Variants in INO80D observed in about 807,000 individuals in gnomAD.
INO80D encodes INO80 complex subunit D.
A neutral mutation model predicts 87.6 loss-of-function variants in INO80D; 21 were observed. That is an observed-to-expected ratio of 0.24 (90% CI 0.17 to 0.35). The LOEUF is 0.35. INO80D is among the 10% of genes least tolerant of loss of function. The pLI is 1.00. For synonymous variants in INO80D, 440 were observed against 491.0 expected, an observed-to-expected ratio of 0.90 and a Z score of 1.37; for missense variants, 982 against 1,280.7, an observed-to-expected ratio of 0.77 and a Z score of 3.56.
intron 1 of INO80D, among the ~76,000 whole-genome samples, chr2:206,072,254 T>C (rs1689990675): frequency 6.6e-6 from 1 of 151,768 alleles, no homozygotes; most frequent in East Asian, 1.9e-4. Context: ...CTAATTTATA[T>C]ATTTTGGGTT....
intron 6 of INO80D, among the ~76,000 whole-genome samples, chr2:206,022,546 AATG>A (rs1164597944): frequency 6.6e-6 from 1 of 152,102 alleles, no homozygotes; most frequent in African/African-American, 2.4e-5. Flanking sequence ...CCCCATAAAT[AATG>A]ATGTTTCCAT....
chr2:206,009,469 A>G, intron 9 of INO80D, 108 bp downstream of exon 9: 1 of 896,806 alleles, frequency 1.1e-6, no homozygotes, highest in Non-Finnish European at 1.7e-6. Context: ...GATATACTAA[A>G]TGGTTTCTGT....
At chr2:206,045,975 G>A (rs1374122952) in intron 5 of INO80D, among the ~76,000 whole-genome samples, 1 of 152,022 alleles carries the variant, frequency 6.6e-6, no homozygotes, top group East Asian at 1.9e-4. Context: ...TTCAATTCTA[G>A]GTTCTATTAT....
chr2:206,013,352 G>C (rs1312443376), intron 8 of INO80D, among the ~76,000 whole-genome samples: 1 of 152,092 alleles, frequency 6.6e-6, no homozygotes, highest in Non-Finnish European at 1.5e-5. Flanking sequence ...AGGAGATCGA[G>C]ATCTTCCTGG....
At chr2:206,050,222 G>A (rs532939730) in intron 4 of INO80D, among the ~76,000 whole-genome samples, 1 of 152,178 alleles carries the variant, frequency 6.6e-6, no homozygotes, top group Admixed American at 6.5e-5. Context: ...GCTGGGCACA[G>A]TGGCTCATGC....
intron 1 of INO80D, among the ~76,000 whole-genome samples, chr2:206,083,011 T>A (rs1410951808): frequency 6.6e-6 from 1 of 152,260 alleles, no homozygotes; most frequent in Non-Finnish European, 1.5e-5. Context: ...ACTAACCATT[T>A]ACTTTTTAAA....
chr2:206,077,930 C>T (rs779073084), intron 1 of INO80D, among the ~76,000 whole-genome samples: 1 of 151,954 alleles, frequency 6.6e-6, no homozygotes, highest in Non-Finnish European at 1.5e-5. Context: ...TGCCAATATA[C>T]TCCAAGGTTC....
chr2:206,078,075 A>AAAAAAAAAC (rs1690170834), intron 1 of INO80D, among the ~76,000 whole-genome samples: 1 of 149,496 alleles, frequency 6.7e-6, no homozygotes, highest in African/African-American at 2.5e-5. Context: ...AAAAAAAAAA[A>AAAAAAAAAC]AAAAAAAAAA....
chr2:206,003,954 CTCAAT>C lies in INO80D; in HGVS notation c.*409_*413del. 5.5e-6 allele frequency: 1 copy of C among 183,186 alleles called. No individual in the cohort carries two copies. Among genetic ancestry groups the C allele is most frequent in the Admixed American group, 5.6e-5 (1 of 17,864 alleles). 11.3% of individuals were successfully genotyped at this position (183,186 alleles called of 1,614,324 possible). On this transcript the variant is annotated 3_prime_UTR_variant, in exon 11 of 11. Coordinates refer to ENST00000403263, the MANE Select transcript of INO80D (RefSeq NM_017759.5). ...CCATTTGCTGTCTCTTATACAGGAA[CTCAAT>C]TAATAAGATCATTCTATCTAGAACC...
At chr2:206,060,569 T>A (rs2105887934) in intron 3 of INO80D, among the ~76,000 whole-genome samples, 1 of 151,872 alleles carries the variant, frequency 6.6e-6, no homozygotes, top group South Asian at 2.1e-4. Context: ...TAGTGCTTTT[T>A]TTTTTTTTGA....
At chr2:206,031,030 A>T (rs1303060671) in intron 5 of INO80D, among the ~76,000 whole-genome samples, 2 of 152,292 alleles carry the variant, frequency 1.3e-5, no homozygotes, top group South Asian at 4.1e-4. Flanking sequence ...ATAAGCAGGC[A>T]GCAGTTTCCA....
At chr2:206,082,102 C>T (rs528601801) in intron 1 of INO80D, among the ~76,000 whole-genome samples, 1 of 152,310 alleles carries the variant, frequency 6.6e-6, no homozygotes, top group African/African-American at 2.4e-5. Flanking sequence ...CTCACTGCAA[C>T]CTCCGCCTCC....
At chr2:206,081,485 G>A (rs1158046985) in intron 1 of INO80D, among the ~76,000 whole-genome samples, 1 of 152,156 alleles carries the variant, frequency 6.6e-6, no homozygotes, top group Non-Finnish European at 1.5e-5. Context: ...AGGCCTGGTG[G>A]CTCACACCTA....
rs562247591 is a variant in INO80D, at chr2:206,021,402, G to A, written c.1299-1557C>T. ...CTAAGATGTCTACAAGATTTGTCAC[G>A]ATTATAAGAATAGGGAAGTGGATCA... On this transcript the variant is annotated intron_variant, in intron 6 of 10. Coordinates refer to ENST00000403263, the MANE Select transcript of INO80D (RefSeq NM_017759.5). 1.4e-4 allele frequency among the ~76,000 whole-genome samples: 22 copies of A among 152,254 alleles called. 1 individual carries two copies. In the South Asian group the frequency reaches 4.1e-3, roughly 29 times the overall value.
chr2:206,077,408 A>C (rs535960542), intron 1 of INO80D, among the ~76,000 whole-genome samples: 3 of 151,850 alleles, frequency 2.0e-5, no homozygotes, highest in African/African-American at 7.3e-5. Flanking sequence ...ATTTTGATCT[A>C]GAATCTGTAG....
chr2:206,025,542 A>AAAAATATATATATATATATATAT (rs71301548), intron 6 of INO80D: 1 of 76,934 alleles, frequency 1.3e-5, no homozygotes. Flanking sequence ...AAAAAAAAAA[A>AAAAATATATATATATATATATAT]ATATATATAT....
At chr2:206,081,516 A>C (rs902871637) in intron 1 of INO80D, among the ~76,000 whole-genome samples, 6 of 152,102 alleles carry the variant, frequency 3.9e-5, no homozygotes, top group Non-Finnish European at 5.9e-5. Context: ...ACTTGGAAAG[A>C]CTGAGGCAGG....
chr2:206,064,080 A>G (rs1229480944), intron 1 of INO80D, among the ~76,000 whole-genome samples: 4 of 152,212 alleles, frequency 2.6e-5, no homozygotes, highest in African/African-American at 9.6e-5. Context: ...CAATCACAAT[A>G]AACTTCTCAG....
intron 1 of INO80D, among the ~76,000 whole-genome samples, chr2:206,072,558 A>G (rs1690003141): frequency 6.6e-6 from 1 of 152,130 alleles, no homozygotes; most frequent in Non-Finnish European, 1.5e-5. Flanking sequence ...GATTACAGGC[A>G]TGAGCCACCG....
Sources: allele counts gnomAD v4.1 joint callset (sites outside exome capture counted in the v4.1 genomes callset), GRCh38; gene constraint gnomAD v4.1.1; transcripts MANE v1.5; gene names NCBI Gene and HGNC (gene_info 2026-07-23, HGNC 2026-07-21).